Variants in RASSF8 observed in about 807,000 individuals in gnomAD.
RASSF8 encodes Ras association domain family member 8, also known as ras association domain-containing protein 8.
In RASSF8, 22 loss-of-function variants were observed where a neutral mutation model predicts 48.5. That is an observed-to-expected ratio of 0.45 (90% CI 0.32 to 0.65). The LOEUF is 0.65. RASSF8 is among the 30% of genes least tolerant of loss of function. The probability of loss-of-function intolerance (pLI) is 0.03; values close to 1 mark genes in which losing one functional copy is unlikely to be tolerated. For missense variants in RASSF8, 418 were observed against 489.2 expected (o/e 0.85, Z 1.37); for synonymous variants, 127 against 171.5 (o/e 0.74, Z 2.03).
rs559729779 is a variant in RASSF8, at chr12:26,012,528, G to A, written c.-109+17398G>A. Among the ~76,000 whole-genome samples the A allele has an allele frequency of 2.0e-5, 3 of 152,140 alleles. No homozygotes were observed. The East Asian group carries it at 5.8e-4, about 29-fold the overall frequency. On this transcript the variant is annotated intron_variant, in intron 2 of 5. Coordinates refer to ENST00000689635, the MANE Select transcript of RASSF8 (RefSeq NM_001394098.1). ...TCTCCTCATCCAGTCTCATACCAGT[G>A]TATCACTCATGACACCTAAACATAA...
At chr12:26,030,853 C>T (rs1040858323) in intron 2 of RASSF8, among the ~76,000 whole-genome samples, 1 of 152,116 alleles carries the variant, frequency 6.6e-6, no homozygotes, top group Admixed American at 6.5e-5. Flanking sequence ...GCAATATGGT[C>T]CCTGTTGTTA....
chr12:25,990,388 A>G (rs2136943138), intron 1 of RASSF8, among the ~76,000 whole-genome samples: 1 of 152,340 alleles, frequency 6.6e-6, no homozygotes, highest in African/African-American at 2.4e-5. Context: ...AGTTAGTGGA[A>G]TGAAACCCAT....
In RASSF8 at chr12:26,078,604, CAT is replaced by C. The variant is rs549583827; in HGVS notation, c.1139-428_1139-427del. On this transcript the variant is annotated intron_variant, in intron 5 of 5. Coordinates refer to the RASSF8 transcript ENST00000381352. ...GAAGAAGATATTTTAAATATAAACACATGTTTAAAATCTGAATTGAATTACCC... is the reference window on the plus strand; with the variant it reads ...GAAGAAGATATTTTAAATATAAACACGTTTAAAATCTGAATTGAATTACCC... 1.0e-3 allele frequency among the ~76,000 whole-genome samples: 153 copies of C among 152,284 alleles called. No homozygotes were observed. The Middle Eastern group carries it at 0.014, about 14-fold the overall frequency.
Position 26,030,614 on chromosome 12 carries a change from G to C in RASSF8, c.-108-24622G>C, listed in dbSNP as rs189346707. Reference sequence around the variant, plus strand: ...GCAGTGCAACAGAAATTCCCACTTAGAAATACATGTTAGTCAAGTGAATAA... The same window carrying C: ...GCAGTGCAACAGAAATTCCCACTTACAAATACATGTTAGTCAAGTGAATAA... On this transcript the variant is annotated intron_variant, in intron 2 of 5. Transcript: ENST00000689635. 1.3e-4 allele frequency among the ~76,000 whole-genome samples: 20 copies of C among 152,146 alleles called. No homozygotes were observed. In the East Asian group the frequency reaches 3.7e-3, roughly 28 times the overall value.
chr12:25,991,074 G>T (rs1942002623), intron 1 of RASSF8, among the ~76,000 whole-genome samples: 1 of 151,944 alleles, frequency 6.6e-6, no homozygotes, highest in Non-Finnish European at 1.5e-5. Flanking sequence ...TGTCAATATT[G>T]TCCATTGATT....
intron 1 of RASSF8, among the ~76,000 whole-genome samples, chr12:25,966,469 C>A (rs1400171111): frequency 3.9e-5 from 6 of 152,098 alleles, no homozygotes; most frequent in African/African-American, 1.2e-4. Context: ...CTTGGCCTCC[C>A]GGTGTTGAGA....
intron 1 of RASSF8, among the ~76,000 whole-genome samples, chr12:25,970,592 C>T (rs1429726156): frequency 6.6e-6 from 1 of 152,190 alleles, no homozygotes; most frequent in Non-Finnish European, 1.5e-5. Context: ...AGCTCTTGGA[C>T]ACAGAAATCT....
intron 2 of RASSF8, among the ~76,000 whole-genome samples, chr12:26,036,081 T>C (rs974023619): frequency 1.3e-4 from 20 of 151,608 alleles, no homozygotes; most frequent in Non-Finnish European, 2.7e-4. Flanking sequence ...TTTCTTCAGC[T>C]CAAATCCATT....
chr12:25,970,653 G>A (rs1245853970), intron 1 of RASSF8, among the ~76,000 whole-genome samples: 1 of 152,144 alleles, frequency 6.6e-6, no homozygotes, highest in African/African-American at 2.4e-5. Flanking sequence ...CCACAGGATT[G>A]AGTTCAGACT....
chr12:26,040,135 C>CT (rs1943233271), intron 2 of RASSF8, among the ~76,000 whole-genome samples: 1 of 151,720 alleles, frequency 6.6e-6, no homozygotes, highest in Non-Finnish European at 1.5e-5. Flanking sequence ...CTTTTTTTGC[C>CT]TTTTTAATGG....
At chr12:26,054,774 G>A (rs1265013675) in intron 2 of RASSF8, among the ~76,000 whole-genome samples, 1 of 152,202 alleles carries the variant, frequency 6.6e-6, no homozygotes, top group Non-Finnish European at 1.5e-5. Context: ...AATGTGAGCT[G>A]AGTAAGATAC....
chr12:26,072,413 G>A lies in RASSF8; in HGVS notation c.*3595G>A. The A allele has an allele frequency of 2.0e-6, 2 of 981,154 alleles. No homozygotes were observed. Among genetic ancestry groups the A allele is most frequent in the Non-Finnish European group, 2.4e-6 (2 of 826,162 alleles). The allele number at this position is 981,154 out of a possible 1,614,324, so 60.8% of individuals were successfully genotyped here. ...CAGTGACTGCCTGAAAGCTGCAGGA[G>A]CTCTTTTCAATGCATTTTATATATT... On this transcript the variant is annotated 3_prime_UTR_variant, in exon 6 of 6. Transcript: ENST00000689635.
In RASSF8 at chr12:26,067,703, C is replaced by T. The variant is rs1943909280; in HGVS notation, c.1128C>T (p.Asp376=). ...TTGAAATAGAGGCCTCACATGCAGA[C>T]ATTGAAAGGGGTAAGATGTTGATAA... ...EPIEIEASHA[D]IEREAPFQSG... Residue 376 remains aspartate, a synonymous_variant, in exon 5 of 6, where the codon GAC becomes GAT. Coordinates refer to ENST00000689635, the MANE Select transcript of RASSF8 (RefSeq NM_001394098.1). The T allele has an allele frequency of 2.5e-6, 4 of 1,614,114 alleles. No homozygotes were observed. Among genetic ancestry groups the T allele is most frequent in the Non-Finnish European group, 2.5e-6 (3 of 1,180,008 alleles).
intron 4 of RASSF8, among the ~76,000 whole-genome samples, chr12:26,066,959 T>C (rs1943889065): frequency 6.6e-6 from 1 of 152,248 alleles, no homozygotes; most frequent in Admixed American, 6.5e-5. Flanking sequence ...TTGTCAAGGA[T>C]TTAGGAATTC....
intron 2 of RASSF8, among the ~76,000 whole-genome samples, chr12:26,026,789 G>C (rs1942923419): frequency 6.6e-6 from 1 of 152,216 alleles, no homozygotes; most frequent in Non-Finnish European, 1.5e-5. Flanking sequence ...CTCATACACT[G>C]TTGGTGGGAA....
intron 2 of RASSF8, among the ~76,000 whole-genome samples, chr12:26,039,597 C>T (rs559737175): frequency 6.6e-6 from 1 of 152,234 alleles, no homozygotes; most frequent in South Asian, 2.1e-4. Flanking sequence ...AAGGTGTTAT[C>T]TCAGAGTTGT....
chr12:26,037,917 G>A (rs2055180), intron 2 of RASSF8, among the ~76,000 whole-genome samples: 10,746 of 152,260 alleles, frequency 0.071, 754 homozygotes, highest in East Asian at 0.27. Flanking sequence ...ACAATTTAAA[G>A]GTGGAGAGAG....
intron 2 of RASSF8, among the ~76,000 whole-genome samples, chr12:26,018,308 TAAACTATTTTTGA>T (rs1468169937): frequency 1.3e-5 from 2 of 152,202 alleles, no homozygotes; most frequent in East Asian, 3.8e-4. Flanking sequence ...ATTTTATTCT[TAAACTATTTTTGA>T]AATAGCTCTA....
At chr12:25,966,495 A>G (rs555306795) in intron 1 of RASSF8, among the ~76,000 whole-genome samples, 2 of 152,194 alleles carry the variant, frequency 1.3e-5, no homozygotes, top group South Asian at 4.1e-4. Context: ...GGCATGAGCC[A>G]TGTGTCCAGC....
Sources: gnomAD v4.1 joint callset for allele counts (sites outside exome capture counted in the v4.1 genomes callset) on GRCh38, gnomAD v4.1.1 for gene constraint, MANE v1.5 for transcripts, NCBI Gene and HGNC (gene_info 2026-07-23, HGNC 2026-07-21) for gene names.